AMBRA1: variants seen among roughly 807,000 people sequenced by gnomAD.
AMBRA1 encodes the protein autophagy and beclin 1 regulator 1, also known as activating molecule in BECN1-regulated autophagy protein 1.
In AMBRA1, 47 loss-of-function variants were observed where a neutral mutation model predicts 125.4. That is an observed-to-expected ratio of 0.37 (90% CI 0.30 to 0.48). AMBRA1 has a LOEUF of 0.48. AMBRA1 is among the 20% of genes least tolerant of loss of function. The pLI is 0.99. For missense variants in AMBRA1, 1,331 were observed against 1,693.4 expected, an observed-to-expected ratio of 0.79 and a Z score of 3.76; for synonymous variants, 626 against 655.5, an observed-to-expected ratio of 0.95 and a Z score of 0.69.
At chr11:46,591,628 A>G (rs2044597040) in intron 1 of AMBRA1, among the ~76,000 whole-genome samples, 1 of 152,100 alleles carries the variant, frequency 6.6e-6, no homozygotes, top group Non-Finnish European at 1.5e-5. Flanking sequence ...AGGCCAAGGC[A>G]GGTGGATCAC....
chr11:46,486,947 A>G (rs1950288260), intron 11 of AMBRA1, among the ~76,000 whole-genome samples: 1 of 149,954 alleles, frequency 6.7e-6, no homozygotes, highest in Admixed American at 6.6e-5. Context: ...ATAAATAAAT[A>G]AATAAATACA....
intron 7 of AMBRA1, among the ~76,000 whole-genome samples, chr11:46,529,951 T>C (rs1283224267): frequency 2.0e-5 from 3 of 152,118 alleles, no homozygotes; most frequent in African/African-American, 4.8e-5. Context: ...ACTCAATAAA[T>C]GTGTAAGAAA....
intron 1 of AMBRA1, among the ~76,000 whole-genome samples, chr11:46,570,365 AG>A (rs2043713504): frequency 6.6e-6 from 1 of 151,738 alleles, no homozygotes; most frequent in Non-Finnish European, 1.5e-5. Context: ...GTGGGCCCAG[AG>A]GGAGAAGTAC....
intron 1 of AMBRA1, among the ~76,000 whole-genome samples, chr11:46,585,375 C>CAA (rs35012433): frequency 3.6e-5 from 5 of 139,460 alleles, no homozygotes; most frequent in Admixed American, 7.3e-5. Context: ...TAAATAATTC[C>CAA]AAAAAAAAAA....
intron 9 of AMBRA1, among the ~76,000 whole-genome samples, chr11:46,497,129 A>G (rs1391119468): frequency 1.3e-5 from 2 of 151,750 alleles, no homozygotes; most frequent in Admixed American, 1.3e-4. Flanking sequence ...ATAAATAAAT[A>G]AAATAAAATA....
rs59385965 is a variant in AMBRA1, at chr11:46,507,176, C to CAAAAAAA, written c.2339+1008_2339+1014dup. Among the ~76,000 whole-genome samples, 4 of 31,504 alleles carry CAAAAAAA rather than the reference C, an allele frequency of 1.3e-4. 1 individual carries two copies. The highest frequency in any genetic ancestry group is 4.9e-4 in the African/African-American group (4 of 8,086). The allele number at this position is 31,504 out of a possible 152,430, so 20.7% of individuals were successfully genotyped here. ...TAGGCAACACAGCAAGACTCCGTCT[C>CAAAAAAA]AAAAAAAAAAAAAAAAAAAAAGGCT... On this transcript the variant is annotated intron_variant, in intron 9 of 17. Coordinates refer to ENST00000683756, the MANE Select transcript of AMBRA1 (RefSeq NM_001387011.1).
At chr11:46,439,256 A>G (rs1429736304) in intron 12 of AMBRA1, among the ~76,000 whole-genome samples, 1 of 152,240 alleles carries the variant, frequency 6.6e-6, no homozygotes, top group African/African-American at 2.4e-5. Context: ...CCTGGGCAAC[A>G]GAGCGAGACC....
intron 10 of AMBRA1, 80 bp downstream of exon 10, chr11:46,494,044 C>A: frequency 7.3e-7 from 1 of 1,378,866 alleles, no homozygotes; most frequent in South Asian, 1.2e-5. Context: ...GTGGACAATT[C>A]AAAGACCAGA....
chr11:46,545,472 T>TA, intron 5 of AMBRA1, 132 bp downstream of exon 5: 1 of 1,027,016 alleles, frequency 9.7e-7, no homozygotes, highest in Admixed American at 2.8e-5. Context: ...AAAAAAAAAA[T>TA]AGGAGGAGCT....
intron 7 of AMBRA1, among the ~76,000 whole-genome samples, chr11:46,523,253 T>G (rs1446100364): frequency 6.6e-6 from 1 of 152,204 alleles, no homozygotes; most frequent in Non-Finnish European, 1.5e-5. Context: ...CCTCTGGGGA[T>G]GTACTACTTG....
chr11:46,419,401 TATCTCTAG>T (rs77255340), intron 14 of AMBRA1, among the ~76,000 whole-genome samples: 21,348 of 152,040 alleles, frequency 0.14, 1,533 homozygotes, highest in Non-Finnish European at 0.17. Context: ...TACAAAACAA[TATCTCTAG>T]ATCTCAACTT....
In AMBRA1 at chr11:46,397,709, C is replaced by T. The variant is rs370167428; in HGVS notation, c.3638G>A (p.Gly1213Glu). The T allele has an allele frequency of 9.5e-5, 153 of 1,613,074 alleles. No individual in the cohort carries two copies. The highest frequency in any genetic ancestry group is 1.2e-4 in the Non-Finnish European group (147 of 1,179,828). Residue 1213 changes from glycine (G) to glutamate (E), a missense_variant, in exon 18 of 18, where the codon GGA becomes GAA. By Grantham distance (98) the Gly-to-Glu change is moderately conservative (BLOSUM62 -2). Coordinates refer to ENST00000683756, the MANE Select transcript of AMBRA1 (RefSeq NM_001387011.1). ...CAGTTGCCCGGCCTCTGGGAGCAGT[C>T]CCCGAGAGGTGGAGGGCTGGGGTGA... ...TSSPQPSTSR[G>E]LLPEAGQLAE...
At chr11:46,478,648 C>CTTTTTTTTTT (rs11449187) in intron 11 of AMBRA1, among the ~76,000 whole-genome samples, 153 of 82,040 alleles carry the variant, frequency 1.9e-3, no homozygotes, top group Non-Finnish European at 2.2e-3. Flanking sequence ...TCTTTTTTCT[C>CTTTTTTTTTT]TTTTTTTTTT....
chr11:46,529,877 T>C (rs745698528), intron 7 of AMBRA1, among the ~76,000 whole-genome samples: 8 of 152,196 alleles, frequency 5.3e-5, no homozygotes, highest in Non-Finnish European at 7.3e-5. Flanking sequence ...AAACATGTTG[T>C]CAGGAATGCT....
intron 11 of AMBRA1, among the ~76,000 whole-genome samples, chr11:46,456,398 G>A (rs1185733841): frequency 6.6e-6 from 1 of 152,180 alleles, no homozygotes. Flanking sequence ...CAGCAACAGA[G>A]GACACTGGCT....
chr11:46,536,992 T>G (rs1952507272), intron 7 of AMBRA1, among the ~76,000 whole-genome samples: 1 of 152,234 alleles, frequency 6.6e-6, no homozygotes, highest in Non-Finnish European at 1.5e-5. Context: ...AAACAATTAG[T>G]GCTTCTAGGA....
chr11:46,575,798 A>G (rs1175548206), intron 1 of AMBRA1, among the ~76,000 whole-genome samples: 1 of 152,186 alleles, frequency 6.6e-6, no homozygotes, highest in African/African-American at 2.4e-5. Context: ...TATAGGCGTG[A>G]GCCTCCGTGC....
At chr11:46,510,548 C>T (rs1356770084) in intron 8 of AMBRA1, among the ~76,000 whole-genome samples, 1 of 151,954 alleles carries the variant, frequency 6.6e-6, no homozygotes, top group Non-Finnish European at 1.5e-5. Flanking sequence ...TATAGGCTAC[C>T]CTAAGTAATG....
At chr11:46,498,378 G>A (rs1221447317) in intron 9 of AMBRA1, among the ~76,000 whole-genome samples, 1 of 152,208 alleles carries the variant, frequency 6.6e-6, no homozygotes, top group African/African-American at 2.4e-5. Flanking sequence ...TGAGCCAGCA[G>A]GATAGAAGCT....
Sources: gnomAD v4.1 joint callset for allele counts (sites outside exome capture counted in the v4.1 genomes callset) on GRCh38, gnomAD v4.1.1 for gene constraint, MANE v1.5 for transcripts, NCBI Gene and HGNC (gene_info 2026-07-23, HGNC 2026-07-21) for gene names.